Variants in MYOCD observed in about 807,000 individuals in gnomAD.
MYOCD encodes the protein myocardin.
MYOCD carries 32 observed loss-of-function variants against 96.1 expected under a neutral mutation model. The observed-to-expected ratio is 0.33, with a 90% CI of 0.25 to 0.45. The LOEUF (loss-of-function observed/expected upper bound fraction) is 0.45. Ranked by LOEUF, MYOCD falls within the 20% of genes least tolerant of loss-of-function variation. MYOCD has a pLI of 1.00. For missense variants in MYOCD, 1,133 were observed against 1,200.6 expected, an observed-to-expected ratio of 0.94 and a Z score of 0.83; for synonymous variants, 469 against 469.0, an observed-to-expected ratio of 1.00 and a Z score of 0.00.
chr17:12,685,463 G>A (rs953047850), intron 1 of MYOCD, among the ~76,000 whole-genome samples: 9 of 151,878 alleles, frequency 5.9e-5, no homozygotes, highest in African/African-American at 1.2e-4. Flanking sequence ...AAGATTAGCC[G>A]GGTGTGGTGG....
Position 12,711,963 on chromosome 17 carries a change from G to A in MYOCD, c.122-3556G>A, listed in dbSNP as rs372363642. 1.2e-3 allele frequency among the ~76,000 whole-genome samples: 168 copies of A among 143,666 alleles called. 3 individuals are homozygous for A. The highest frequency in any genetic ancestry group is 9.5e-3 in the South Asian group (43 of 4,538). The allele number at this position is 143,666 out of a possible 152,430, so 94.3% of individuals were successfully genotyped here. ...TTTTGAGACAGAGTCTCACTCTGTC[G>A]CCCAGGCTGGAATGCAGTGGCGCGA... On this transcript the variant is annotated intron_variant, in intron 2 of 13. Transcript: ENST00000425538.
chr17:12,696,778 C>CG (rs1458209410), intron 1 of MYOCD, among the ~76,000 whole-genome samples: 1 of 152,124 alleles, frequency 6.6e-6, no homozygotes, highest in Non-Finnish European at 1.5e-5. Flanking sequence ...CCAGATTAGG[C>CG]GATTCTTGAT....
chr17:12,668,073 G>T (rs1262426850), intron 1 of MYOCD, among the ~76,000 whole-genome samples: 2 of 152,208 alleles, frequency 1.3e-5, no homozygotes, highest in African/African-American at 2.4e-5. Context: ...TTGAATGGAG[G>T]TTATTCTTTC....
chr17:12,717,475 T>C, intron 4 of MYOCD, 54 bp downstream of exon 4: 2 of 1,402,552 alleles, frequency 1.4e-6, no homozygotes, highest in Non-Finnish European at 2.0e-6. Context: ...GTGGGCCATT[T>C]TCCCAGAGTT....
chr17:12,753,169 A>G lies in MYOCD; in HGVS notation c.1881A>G (p.Thr627=), dbSNP rs199890308. 126 of 1,614,008 alleles carry G rather than the reference A, an allele frequency of 7.8e-5. No homozygotes were observed. Among genetic ancestry groups the G allele is most frequent in the Non-Finnish European group, 1.1e-4 (126 of 1,180,006 alleles). The change falls in exon 10 of 14, where the codon ACA becomes ACG. Residue 627 remains threonine (T), a synonymous_variant. Coordinates refer to ENST00000425538, the MANE Select transcript of MYOCD (RefSeq NM_001146312.3). ...SSDQTNVLSS[T]FLSPQCSPQH... ...ATCAAACCAATGTACTTTCTTCCAC[A>G]TTTCTCAGCCCCCAGTGTTCCCCTC...
intron 1 of MYOCD, among the ~76,000 whole-genome samples, chr17:12,666,674 G>A (rs1029286672): frequency 2.6e-5 from 4 of 152,008 alleles, no homozygotes; most frequent in Non-Finnish European, 5.9e-5. Context: ...CCAAACAAAT[G>A]TATTTCCCAA....
chr17:12,721,482 C>A (rs960433939), intron 4 of MYOCD, among the ~76,000 whole-genome samples: 1 of 152,000 alleles, frequency 6.6e-6, no homozygotes, highest in Non-Finnish European at 1.5e-5. Context: ...CCCAAAAGTA[C>A]GATGTTGGTA....
chr17:12,760,365 T>G, intron 12 of MYOCD: 3 of 376,124 alleles, frequency 8.0e-6, no homozygotes, highest in East Asian at 5.1e-5. Flanking sequence ...GTGTGGGAAA[T>G]TATGGTTGAA....
chr17:12,717,849 A>G (rs944484927), intron 4 of MYOCD, among the ~76,000 whole-genome samples: 1 of 152,148 alleles, frequency 6.6e-6, no homozygotes, highest in Non-Finnish European at 1.5e-5. Flanking sequence ...TGTGCAGGGA[A>G]TACAATCTGA....
intron 1 of MYOCD, among the ~76,000 whole-genome samples, chr17:12,675,406 A>G (rs1032384629): frequency 1.7e-4 from 26 of 152,224 alleles, no homozygotes; most frequent in Admixed American, 9.8e-4. Context: ...TTAAATTACA[A>G]TATATTCACA....
At chr17:12,695,799 G>A (rs917509110) in intron 1 of MYOCD, among the ~76,000 whole-genome samples, 1 of 152,112 alleles carries the variant, frequency 6.6e-6, no homozygotes, top group Non-Finnish European at 1.5e-5. Flanking sequence ...TCATCACTAA[G>A]ATTTTGCAAA....
At position 12,744,484 on chromosome 17, in the gene MYOCD, G is replaced by A. The variant is rs535245814; in HGVS notation, c.971+48G>A. On this transcript the variant is annotated intron_variant, in intron 8 of 13. Coordinates refer to ENST00000425538, the MANE Select transcript of MYOCD (RefSeq NM_001146312.3). ...GGTGGCTGTGGGCAGAGGTTGGGAAGGGTGTCTATTAATATCTATCTGCCA... is the reference window on the plus strand; with the variant it reads ...GGTGGCTGTGGGCAGAGGTTGGGAAAGGTGTCTATTAATATCTATCTGCCA... 6.0e-5 allele frequency: 93 copies of A among 1,551,274 alleles called. No homozygotes were observed. The East Asian group carries it at 6.8e-4, about 11-fold the overall frequency.
chr17:12,704,966 C>T, intron 1 of MYOCD, 162 bp from the exon 2 acceptor site: 5 of 597,588 alleles, frequency 8.4e-6, no homozygotes, highest in African/African-American at 1.9e-5. Context: ...AGCTTCTCTC[C>T]TTCTTCTTCC....
At chr17:12,756,359 T>C in intron 10 of MYOCD, 55 bp from the exon 11 acceptor site, 3 of 1,546,688 alleles carry the variant, frequency 1.9e-6, no homozygotes, top group Non-Finnish European at 2.6e-6. Context: ...TCAGCAAAGG[T>C]CACACTCAAG....
intron 5 of MYOCD, 101 bp from the exon 6 acceptor site, chr17:12,736,060 A>C (rs752790980): frequency 4.7e-5 from 42 of 901,914 alleles, no homozygotes; most frequent in Non-Finnish European, 6.8e-5. Flanking sequence ...CTGGAGAGAG[A>C]GAGGTGTATT....
At chr17:12,718,893 G>A (rs2031727977) in intron 4 of MYOCD, among the ~76,000 whole-genome samples, 1 of 152,100 alleles carries the variant, frequency 6.6e-6, no homozygotes, top group Non-Finnish European at 1.5e-5. Context: ...GACCTTTCAG[G>A]CCGGGTGTGG....
intron 1 of MYOCD, among the ~76,000 whole-genome samples, chr17:12,679,156 A>T (rs1910292521): frequency 6.6e-6 from 1 of 152,206 alleles, no homozygotes; most frequent in African/African-American, 2.4e-5. Flanking sequence ...CCTGGCATTT[A>T]ACCTATTTCC....
At chr17:12,736,892 A>G (rs2032362409) in intron 6 of MYOCD, among the ~76,000 whole-genome samples, 1 of 152,230 alleles carries the variant, frequency 6.6e-6, no homozygotes, top group Non-Finnish European at 1.5e-5. Context: ...CTTTCTGTAC[A>G]AATCTACAAA....
At chr17:12,749,209 C>T (rs186197830) in intron 9 of MYOCD, among the ~76,000 whole-genome samples, 277 of 152,278 alleles carry the variant, frequency 1.8e-3, no homozygotes, top group Non-Finnish European at 2.5e-3. Flanking sequence ...GGACACTTCA[C>T]TAGCTACCAG....
Sources: allele counts gnomAD v4.1 joint callset (sites outside exome capture counted in the v4.1 genomes callset), GRCh38; gene constraint gnomAD v4.1.1; transcripts MANE v1.5; gene names NCBI Gene and HGNC (gene_info 2026-07-23, HGNC 2026-07-21).